Variants in P2RY12 observed in about 807,000 individuals in gnomAD.
P2RY12 encodes the protein P2Y purinoceptor 12.
P2RY12 carries 3 observed loss-of-function variants against 4.5 expected under a neutral mutation model. That is an observed-to-expected ratio of 0.67 (90% CI 0.31 to 1.74). P2RY12 has a LOEUF of 1.74. Ranked by LOEUF, P2RY12 falls within the 40% of genes most tolerant of loss-of-function variation. The probability of loss-of-function intolerance (pLI) is 0.09; values close to 1 mark genes in which losing one functional copy is unlikely to be tolerated. For missense variants in P2RY12, 356 were observed against 407.8 expected, an observed-to-expected ratio of 0.87 and a Z score of 1.09; for synonymous variants, 148 against 154.1, an observed-to-expected ratio of 0.96 and a Z score of 0.29.
chr3:151,342,367 T>C (rs186062478), intron 1 of P2RY12, among the ~76,000 whole-genome samples: 4 of 152,328 alleles, frequency 2.6e-5, no homozygotes, highest in Non-Finnish European at 4.4e-5. Context: ...CACGTTTTGG[T>C]TTTTTCTTCT....
intron 1 of P2RY12, chr3:151,365,751 TG>T (rs1214788958): frequency 5.1e-5 from 55 of 1,084,222 alleles, no homozygotes; most frequent in Non-Finnish European, 6.9e-5. Context: ...GAAAATGACT[TG>T]TTTGATGTTA....
Position 151,338,408 on chromosome 3 carries a change from A to G in P2RY12, c.438T>C (p.Val146=). Residue 146 remains valine (V), a synonymous_variant, in exon 3 of 3, where the codon GTT becomes GTC. Coordinates refer to ENST00000302632, the MANE Select transcript of P2RY12 (RefSeq NM_022788.5). ...KNLLGAKILS[V]VIWAFMFLLS... Reference sequence around the variant, plus strand: ...GTAAGAACATGAATGCCCAGATGACAACAGAGAGAATCTTAGCCCCCAAGA... The same window carrying G: ...GTAAGAACATGAATGCCCAGATGACGACAGAGAGAATCTTAGCCCCCAAGA... 1 of 1,614,156 alleles carries G rather than the reference A, an allele frequency of 6.2e-7. No individual in the cohort carries two copies. Among genetic ancestry groups the G allele is most frequent in the Non-Finnish European group, 8.5e-7 (1 of 1,180,018 alleles).
intron 1 of P2RY12, among the ~76,000 whole-genome samples, chr3:151,345,756 G>A (rs1159385170): frequency 6.6e-6 from 1 of 151,918 alleles, no homozygotes; most frequent in Non-Finnish European, 1.5e-5. Flanking sequence ...GACCTCAGGT[G>A]ATCCTCCACC....
intron 1 of P2RY12, among the ~76,000 whole-genome samples, chr3:151,355,677 A>G (rs1011853557): frequency 6.6e-6 from 1 of 152,246 alleles, no homozygotes; most frequent in African/African-American, 2.4e-5. Context: ...CTTAAGATTT[A>G]GGTCTGAATG....
intron 1 of P2RY12, among the ~76,000 whole-genome samples, chr3:151,344,564 TTTC>T (rs1364094045): frequency 6.6e-6 from 1 of 152,206 alleles, no homozygotes; most frequent in Non-Finnish European, 1.5e-5. Flanking sequence ...TTTTACTGCT[TTTC>T]TTAGAGACGT....
At position 151,338,096 on chromosome 3, in the gene P2RY12, A is replaced by G; in HGVS notation, c.750T>C (p.Val250=). The change falls in exon 3 of 3, where the codon GTT becomes GTC. Residue 250 remains valine (V), a synonymous_variant. Transcript: ENST00000302632. ...IIIAVFFICF[V]PFHFARIPYT... ...AAGGAATTCGGGCAAAATGGAAAGG[A>G]ACAAAACAAATAAAGAATACAGCAA... The G allele has an allele frequency of 6.2e-7, 1 of 1,614,034 alleles. No individual in the cohort carries two copies. The highest frequency in any genetic ancestry group is 8.5e-7 in the Non-Finnish European group (1 of 1,179,954).
chr3:151,374,086 C>T (rs534698121), intron 1 of P2RY12, among the ~76,000 whole-genome samples: 3 of 152,200 alleles, frequency 2.0e-5, no homozygotes, highest in Non-Finnish European at 4.4e-5. Flanking sequence ...ATATTAGTAT[C>T]ACCTTCTTCC....
At chr3:151,355,124 G>A (rs1382637967) in intron 1 of P2RY12, 2 of 1,611,146 alleles carry the variant, frequency 1.2e-6, no homozygotes, top group African/African-American at 1.3e-5. Context: ...TATGTAGTTG[G>A]GGACGAAGGA....
rs1439180705 is a variant in P2RY12, at chr3:151,338,728, G to T, written c.118C>A (p.Leu40Ile). 8 of 1,612,936 alleles carry T rather than the reference G, an allele frequency of 5.0e-6. No homozygotes were observed. The highest frequency in any genetic ancestry group is 5.9e-6 in the Non-Finnish European group (7 of 1,179,640). Residue 40 changes from leucine (L) to isoleucine (I), a missense_variant, in exon 3 of 3, where the codon CTT becomes ATT. Leu to Ile is a conservative substitution (Grantham distance 5). Transcript: ENST00000302632. ...LLYTVLFFVG[L>I]ITNGLAMRIF... ...CTCATCGCCAGGCCATTTGTGATAA[G>T]TCCAACAAAAAACAGGACAGTGTAG...
At chr3:151,359,981 A>G (rs1414553269) in intron 1 of P2RY12, among the ~76,000 whole-genome samples, 1 of 152,184 alleles carries the variant, frequency 6.6e-6, no homozygotes, top group Non-Finnish European at 1.5e-5. Flanking sequence ...ACATAGGGGA[A>G]TGTATACATG....
At chr3:151,344,934 T>C (rs1442769185) in intron 1 of P2RY12, among the ~76,000 whole-genome samples, 1 of 152,222 alleles carries the variant, frequency 6.6e-6, no homozygotes, top group Non-Finnish European at 1.5e-5. Flanking sequence ...GCAAAATTTC[T>C]AATCAGTTAT....
intron 1 of P2RY12, chr3:151,364,966 C>A (rs1473296828): frequency 6.3e-7 from 1 of 1,586,168 alleles, no homozygotes; most frequent in Non-Finnish European, 8.6e-7. Context: ...AACTTTTTTT[C>A]TTATAACCTC....
chr3:151,378,244 C>T (rs1711574111), intron 1 of P2RY12: 1 of 1,424,156 alleles, frequency 7.0e-7, no homozygotes, highest in Non-Finnish European at 9.4e-7. Context: ...TCCTGTAAAC[C>T]TGTGTGGTCA....
Position 151,378,147 on chromosome 3 carries a change from G to A in P2RY12, c.-180+6545C>T, listed in dbSNP as rs149086875. The stretch of plus-strand genomic sequence containing the variant: ...AGCACTTGGGTTCTTCTTCCAAAAA[G>A]GAAAGGGACAGACAGAAACAGAAAA... On this transcript the variant is annotated intron_variant, in intron 1 of 2. Transcript: ENST00000302632. The A allele has an allele frequency of 3.7e-4, 598 of 1,609,808 alleles. 1 individual carries two copies. Among genetic ancestry groups the A allele is most frequent in the Non-Finnish European group, 4.0e-4 (467 of 1,177,392 alleles).
At chr3:151,345,290 A>G (rs563663523) in intron 1 of P2RY12, among the ~76,000 whole-genome samples, 2 of 152,324 alleles carry the variant, frequency 1.3e-5, no homozygotes, top group South Asian at 2.1e-4. Flanking sequence ...CTTGTCCAAC[A>G]ACTGTATCCT....
intron 1 of P2RY12, among the ~76,000 whole-genome samples, chr3:151,378,744 A>G (rs995577315): frequency 6.6e-6 from 1 of 152,170 alleles, no homozygotes; most frequent in African/African-American, 2.4e-5. Context: ...TAATGTGAAA[A>G]TGCCAAGAAA....
intron 1 of P2RY12, among the ~76,000 whole-genome samples, chr3:151,354,904 C>T (rs1346452004): frequency 6.6e-6 from 1 of 152,044 alleles, no homozygotes; most frequent in Non-Finnish European, 1.5e-5. Flanking sequence ...TTTTGATCTC[C>T]TAGGGAGGGA....
In P2RY12 at chr3:151,361,826, C is replaced by G. The variant is rs562490658; in HGVS notation, c.-179-21066G>C. 7.2e-5 allele frequency among the ~76,000 whole-genome samples: 11 copies of G among 152,232 alleles called. No homozygotes were observed. The South Asian group carries it at 2.3e-3, about 32-fold the overall frequency. On this transcript the variant is annotated intron_variant, in intron 1 of 2. Coordinates refer to ENST00000302632, the MANE Select transcript of P2RY12 (RefSeq NM_022788.5). ...TCTGCTTCCATGGCCATTCCTACTT[C>G]AAATAGCATCCCCAACTTCCTGTCA... is the stretch of plus-strand genomic sequence containing the variant.
intron 1 of P2RY12, among the ~76,000 whole-genome samples, chr3:151,350,514 TAATA>T (rs373768022): frequency 4.6e-5 from 7 of 152,286 alleles, no homozygotes; most frequent in African/African-American, 1.7e-4. Context: ...TCTATAGTAG[TAATA>T]AATGAAGTAC....
Sources: allele counts gnomAD v4.1 joint callset (sites outside exome capture counted in the v4.1 genomes callset), GRCh38; gene constraint gnomAD v4.1.1; transcripts MANE v1.5; gene names NCBI Gene and HGNC (gene_info 2026-07-23, HGNC 2026-07-21).